The following PHIP variants were observed in gnomAD, a reference collection of about 807,000 sequenced individuals.
PHIP encodes the protein PHIP subunit of CUL4-Ring ligase complex.
In PHIP, 54 loss-of-function variants were observed where a neutral mutation model predicts 236.8. The observed-to-expected ratio is 0.23, with a 90% CI of 0.18 to 0.29. The LOEUF is 0.29. PHIP is among the 10% of genes least tolerant of loss of function. The probability of loss-of-function intolerance (pLI) is 1.00; values close to 1 mark genes in which losing one functional copy is unlikely to be tolerated. For synonymous variants in PHIP, 756 were observed against 718.9 expected, an observed-to-expected ratio of 1.05 and a Z score of -0.83; for missense variants, 1,370 against 2,190.8, an observed-to-expected ratio of 0.63 and a Z score of 7.48.
chr6:79,025,954 T>C lies in PHIP; in HGVS notation c.811A>G (p.Thr271Ala), dbSNP rs1157827165. The C allele has an allele frequency of 6.2e-7, 1 of 1,605,268 alleles. No individual in the cohort carries two copies. Among genetic ancestry groups the C allele is most frequent in the Admixed American group, 1.7e-5 (1 of 59,794 alleles). Residue 271 changes from threonine to alanine, a missense_variant, in exon 8 of 40, where the codon ACA becomes GCA. Physicochemically the swap from Thr to Ala is moderately conservative, Grantham distance 58. Coordinates refer to ENST00000275034, the MANE Select transcript of PHIP (RefSeq NM_017934.7). The part of the protein sequence containing the change: ...AVLQGHSASI[T>A]SLQFSPLCSG... ...ATTAAGACAATTACCTGTAGTGATG[T>C]AATAGATGCACTATGGCCCTGAAGA...
At chr6:79,022,407 T>A (rs1264290289) in intron 9 of PHIP, among the ~76,000 whole-genome samples, 3 of 151,996 alleles carry the variant, frequency 2.0e-5, no homozygotes, top group South Asian at 4.2e-4. Flanking sequence ...TTAAAAGGGG[T>A]TTCTGACATT....
At position 78,935,751 on chromosome 6, in the gene PHIP, T is replaced by C. The variant is rs1773251801; in HGVS notation, c.*4942A>G. ...CTCTAATGAACCAGCATTTACATAA[T>C]GGTATCTGCCATATGACCACTTTGG... On this transcript the variant is annotated 3_prime_UTR_variant, in exon 40 of 40. Transcript: ENST00000275034. 3 of 985,130 alleles carry C rather than the reference T, an allele frequency of 3.0e-6. No homozygotes were observed. The highest frequency in any genetic ancestry group is 9.4e-5 in the South Asian group (2 of 21,284). 61.0% of individuals were successfully genotyped at this position (985,130 alleles called of 1,614,324 possible). A position where few individuals can be genotyped will look rare whatever the true frequency, so the allele number is the denominator to read the frequency against.
chr6:78,948,222 A>C (rs1397539808), intron 35 of PHIP, among the ~76,000 whole-genome samples: 1 of 152,228 alleles, frequency 6.6e-6, no homozygotes, highest in Non-Finnish European at 1.5e-5. Context: ...ATTTATGCAG[A>C]CACCTAAGTT....
intron 39 of PHIP, 82 bp from the exon 40 acceptor site, chr6:78,941,412 G>A: frequency 1.1e-6 from 1 of 898,498 alleles, no homozygotes; most frequent in East Asian, 2.4e-5. Flanking sequence ...GGCCCCATTG[G>A]TATACTTATA....
chr6:78,986,220 G>A (rs1768859108), intron 21 of PHIP, among the ~76,000 whole-genome samples: 1 of 152,080 alleles, frequency 6.6e-6, no homozygotes, highest in African/African-American at 2.4e-5. Flanking sequence ...TTATCTAAAT[G>A]GTAAAGGATT....
chr6:79,053,856 T>C (rs928872061), intron 6 of PHIP, among the ~76,000 whole-genome samples: 5 of 152,192 alleles, frequency 3.3e-5, no homozygotes, highest in African/African-American at 1.2e-4. Context: ...AGATGGTTTA[T>C]ATGAAGTGGA....
chr6:78,970,674 C>G (rs1767473379), intron 25 of PHIP, 107 bp downstream of exon 25: 9 of 694,214 alleles, frequency 1.3e-5, no homozygotes, highest in Non-Finnish European at 2.2e-5. Flanking sequence ...AACAAGGTAT[C>G]TTCATGATGC....
intron 7 of PHIP, among the ~76,000 whole-genome samples, chr6:79,035,410 T>C (rs149609228): frequency 1.9e-3 from 287 of 152,330 alleles, no homozygotes; most frequent in South Asian, 9.3e-3. Context: ...AACAGTTTAC[T>C]TCTGTTCAGA....
chr6:79,050,365 A>G (rs1453756574), intron 6 of PHIP, among the ~76,000 whole-genome samples: 1 of 152,186 alleles, frequency 6.6e-6, no homozygotes, highest in Non-Finnish European at 1.5e-5. Flanking sequence ...ATTATTCCCA[A>G]TAAGCAGATA....
At chr6:79,045,284 ATG>A (rs1772423701) in intron 6 of PHIP, among the ~76,000 whole-genome samples, 2 of 152,186 alleles carry the variant, frequency 1.3e-5, no homozygotes, top group East Asian at 3.9e-4. Flanking sequence ...AAAGGAGAAA[ATG>A]TAAGTATAGT....
At chr6:79,015,839 C>G in intron 13 of PHIP, 56 bp from the exon 14 acceptor site, 1 of 1,178,186 alleles carries the variant, frequency 8.5e-7, no homozygotes, top group South Asian at 1.4e-5. Context: ...CAACAAAAAC[C>G]AAAACATATA....
At chr6:79,009,520 T>C (rs1770464803) in intron 15 of PHIP, among the ~76,000 whole-genome samples, 1 of 152,042 alleles carries the variant, frequency 6.6e-6, no homozygotes, top group Admixed American at 6.6e-5. Context: ...TCAATATTTA[T>C]CCCTTAAGGT....
Position 78,970,890 on chromosome 6 carries a change from TA to T in PHIP, c.2890-3del. 3 of 1,588,916 alleles carry T rather than the reference TA, an allele frequency of 1.9e-6. No homozygotes were observed. Among genetic ancestry groups the T allele is most frequent in the Non-Finnish European group, 1.7e-6 (2 of 1,162,642 alleles). On this transcript the variant is annotated splice_region_variant and splice_polypyrimidine_tract_variant and intron_variant, in intron 24 of 39. Transcript: ENST00000275034. The stretch of plus-strand genomic sequence containing the variant: ...ATGTCCTTGTCGGAAATAATAAACC[TA>T]AAAAATAAAGTCATAATCTTACAAC...
rs184553023 is a variant in PHIP at position 78,945,896 on chromosome 6, G to A, written c.4630+105C>T. ...ATTAATAAAGAAGGCAAAAACAACA[G>A]TGTCTGCTAGGAATTACTAAAACTC... On this transcript the variant is annotated intron_variant, in intron 38 of 39. Coordinates refer to ENST00000275034, the MANE Select transcript of PHIP (RefSeq NM_017934.7). 9.3e-5 allele frequency: 73 copies of A among 785,828 alleles called. No homozygotes were observed. In the African/African-American group the frequency reaches 1.2e-3, roughly 13 times the overall value. 48.7% of individuals were successfully genotyped at this position (785,828 alleles called of 1,614,324 possible). A position where few individuals can be genotyped will look rare whatever the true frequency, so the allele number is the denominator to read the frequency against.
Position 79,077,891 on chromosome 6 carries a change from C to G in PHIP, c.63G>C (p.Arg21=). The G allele has an allele frequency of 1.3e-6, 2 of 1,590,066 alleles. No individual in the cohort carries two copies. The highest frequency in any genetic ancestry group is 1.1e-5 in the South Asian group (1 of 88,268). ...LRSELYFLIA[R]FLEDGPCQQA... Reference sequence around the variant, plus strand: ...GCTGACAGGGTCCATCTTCCAGGAACCGGGCGATGAGGAAGTAGAGCTCTG... The same window carrying G: ...GCTGACAGGGTCCATCTTCCAGGAAGCGGGCGATGAGGAAGTAGAGCTCTG... The change falls in exon 2 of 40, where the codon CGG becomes CGC. Residue 21 remains arginine, a synonymous_variant. Coordinates refer to ENST00000275034, the MANE Select transcript of PHIP (RefSeq NM_017934.7).
At chr6:78,945,203 G>A (rs1773735498) in intron 39 of PHIP, 97 bp downstream of exon 39, 2 of 888,926 alleles carry the variant, frequency 2.2e-6, no homozygotes, top group South Asian at 3.0e-5. Flanking sequence ...ACTTTTAAGT[G>A]GGCAACCTGA....
chr6:79,003,847 T>C lies in PHIP; in HGVS notation c.1536A>G (p.Gln512=), dbSNP rs1407085794. 1.3e-6 allele frequency: 2 copies of C among 1,598,676 alleles called. No homozygotes were observed. The highest frequency in any genetic ancestry group is 1.7e-6 in the Non-Finnish European group (2 of 1,173,214). Residue 512 remains glutamine (Q), a synonymous_variant, in exon 16 of 40, where the codon CAA becomes CAG. Coordinates refer to ENST00000275034, the MANE Select transcript of PHIP (RefSeq NM_017934.7). ...IRSYFNMIEG[Q]GHGAVFDCKC... Reference sequence around the variant, plus strand: ...TGCAGTCAAATACTGCGCCATGTCCTTGGCCTTCAATCTGAAATATATTTA... The same window carrying C: ...TGCAGTCAAATACTGCGCCATGTCCCTGGCCTTCAATCTGAAATATATTTA...
intron 24 of PHIP, among the ~76,000 whole-genome samples, chr6:78,977,853 GT>G (rs1490311996): frequency 1.3e-5 from 2 of 152,000 alleles, no homozygotes; most frequent in African/African-American, 4.8e-5. Context: ...GCATTAAAAA[GT>G]TTTTGTTTTC....
chr6:78,947,818 A>G (rs549294543), intron 35 of PHIP, 43 bp from the exon 36 acceptor site: 72 of 1,404,382 alleles, frequency 5.1e-5, no homozygotes, highest in Non-Finnish European at 6.4e-5. Context: ...ATTACTACAC[A>G]AAGCATCACT....
Sources: gnomAD v4.1 joint callset for allele counts (sites outside exome capture counted in the v4.1 genomes callset) on GRCh38, gnomAD v4.1.1 for gene constraint, MANE v1.5 for transcripts, NCBI Gene and HGNC (gene_info 2026-07-23, HGNC 2026-07-21) for gene names.